The following MACROD2 variants were observed in gnomAD, a reference collection of about 807,000 sequenced individuals.
The protein encoded by MACROD2 is ADP-ribose glycohydrolase MACROD2.
A neutral mutation model predicts 70.4 loss-of-function variants in MACROD2; 36 were observed. That is an observed-to-expected ratio of 0.51 (90% confidence interval 0.39 to 0.68). MACROD2 has a LOEUF of 0.68. Ranked by LOEUF, MACROD2 falls within the 30% of genes least tolerant of loss-of-function variation. MACROD2 has a pLI of 0.00. For missense variants in MACROD2, 496 were observed against 538.4 expected, an observed-to-expected ratio of 0.92 and a Z score of 0.78; for synonymous variants, 172 against 178.8, an observed-to-expected ratio of 0.96 and a Z score of 0.30.
At chr20:15,027,324 C>CTCTG (rs1470187180) in intron 5 of MACROD2, among the ~76,000 whole-genome samples, 2 of 152,164 alleles carry the variant, frequency 1.3e-5, no homozygotes, top group Non-Finnish European at 2.9e-5. Context: ...CTTTAACAGA[C>CTCTG]TCTGATGTCT....
At chr20:15,200,260 T>G (rs1365839823) in intron 5 of MACROD2, among the ~76,000 whole-genome samples, 1 of 152,224 alleles carries the variant, frequency 6.6e-6, no homozygotes, top group African/African-American at 2.4e-5. Flanking sequence ...ATTTAAATAC[T>G]GAAACTTCAC....
chr20:15,879,645 A>C (rs372383748), intron 9 of MACROD2, among the ~76,000 whole-genome samples: 1 of 152,178 alleles, frequency 6.6e-6, no homozygotes, highest in African/African-American at 2.4e-5. Context: ...TTTTCAAAAA[A>C]AGTTTGAATG....
At chr20:14,582,930 G>A (rs1981132098) in intron 4 of MACROD2, among the ~76,000 whole-genome samples, 1 of 152,072 alleles carries the variant, frequency 6.6e-6, no homozygotes. Context: ...TGAAATTGTG[G>A]CAAAAATCCT....
intron 5 of MACROD2, among the ~76,000 whole-genome samples, chr20:14,737,118 A>G (rs906834764): frequency 6.6e-6 from 1 of 152,066 alleles, no homozygotes; most frequent in African/African-American, 2.4e-5. Flanking sequence ...CCCACCACCC[A>G]ACAGGCCCTG....
intron 5 of MACROD2, among the ~76,000 whole-genome samples, chr20:14,863,402 A>C (rs1175561919): frequency 6.6e-6 from 1 of 152,102 alleles, no homozygotes; most frequent in Non-Finnish European, 1.5e-5. Flanking sequence ...AGGGGTGAGG[A>C]GTAAAGGAAC....
intron 5 of MACROD2, among the ~76,000 whole-genome samples, chr20:14,734,159 C>T (rs2071630029): frequency 6.6e-6 from 1 of 151,856 alleles, no homozygotes; most frequent in African/African-American, 2.4e-5. Flanking sequence ...TTTTTTTCAG[C>T]CAAGACCTCA....
chr20:15,380,212 A>T (rs552056868), intron 6 of MACROD2, among the ~76,000 whole-genome samples: 8 of 152,150 alleles, frequency 5.3e-5, no homozygotes, highest in African/African-American at 1.2e-4. Context: ...ACTTATCACA[A>T]TCTGAGTGAT....
chr20:14,051,253 T>G (rs2053563269), intron 2 of MACROD2, among the ~76,000 whole-genome samples: 2 of 152,182 alleles, frequency 1.3e-5, no homozygotes, highest in South Asian at 4.1e-4. Flanking sequence ...AAGGAACATT[T>G]TTATTTAAAA....
intron 5 of MACROD2, among the ~76,000 whole-genome samples, chr20:14,752,933 A>T (rs1243842553): frequency 6.6e-6 from 1 of 152,208 alleles, no homozygotes; most frequent in East Asian, 1.9e-4. Context: ...TTCATAGCAC[A>T]TCTAGAAAGT....
At chr20:14,793,728 G>T (rs1884661) in intron 5 of MACROD2, among the ~76,000 whole-genome samples, 3,473 of 152,100 alleles carry the variant, frequency 0.023, 128 homozygotes, top group East Asian at 0.11. Context: ...CCTCCACCCA[G>T]CTGGGGCTGA....
intron 8 of MACROD2, among the ~76,000 whole-genome samples, chr20:15,581,558 T>C (rs1457897679): frequency 6.6e-6 from 1 of 152,104 alleles, no homozygotes; most frequent in Non-Finnish European, 1.5e-5. Context: ...TGAAAAGAGG[T>C]CTCTAAGGCG....
intron 5 of MACROD2, among the ~76,000 whole-genome samples, chr20:15,116,950 T>C (rs902573665): frequency 1.4e-4 from 21 of 152,256 alleles, no homozygotes; most frequent in African/African-American, 4.6e-4. Flanking sequence ...AGACTGTTAA[T>C]ACTTTTATTG....
chr20:15,362,679 TGTA>T (rs2078366649), intron 6 of MACROD2, among the ~76,000 whole-genome samples: 1 of 152,092 alleles, frequency 6.6e-6, no homozygotes, highest in Admixed American at 6.6e-5. Flanking sequence ...AACCATTTAA[TGTA>T]GTGATCAAAT....
At chr20:16,010,178 G>A (rs775110) in intron 15 of MACROD2, among the ~76,000 whole-genome samples, 59,514 of 151,974 alleles carry the variant, frequency 0.39, 11,844 homozygotes, top group East Asian at 0.53. Context: ...GAGAGGAGAG[G>A]GAGAGCATGT....
intron 5 of MACROD2, among the ~76,000 whole-genome samples, chr20:14,770,148 C>T (rs967507823): frequency 4.0e-5 from 6 of 151,662 alleles, no homozygotes; most frequent in Non-Finnish European, 5.9e-5. Context: ...AGGACACATA[C>T]GAAAATGTGT....
intron 5 of MACROD2, among the ~76,000 whole-genome samples, chr20:15,049,253 G>A (rs1186148111): frequency 6.6e-6 from 1 of 151,594 alleles, no homozygotes; most frequent in Non-Finnish European, 1.5e-5. Context: ...CTAAGGAAAA[G>A]CATTGCAAGG....
chr20:14,993,635 A>T (rs531373602), intron 5 of MACROD2, among the ~76,000 whole-genome samples: 1 of 152,276 alleles, frequency 6.6e-6, no homozygotes, highest in East Asian at 1.9e-4. Flanking sequence ...AAATGTTGTG[A>T]TATTTAACAA....
At chr20:14,230,030 C>T (rs1358634803) in intron 3 of MACROD2, among the ~76,000 whole-genome samples, 1 of 152,072 alleles carries the variant, frequency 6.6e-6, no homozygotes, top group Non-Finnish European at 1.5e-5. Flanking sequence ...CATGTACATA[C>T]CTTAATTTAA....
chr20:15,478,210 G>C (rs546674355), intron 7 of MACROD2, among the ~76,000 whole-genome samples: 2 of 152,286 alleles, frequency 1.3e-5, no homozygotes, highest in African/African-American at 4.8e-5. Flanking sequence ...AAACCATATG[G>C]ACCAGGCTTC....
Sources: allele counts gnomAD v4.1 joint callset (sites outside exome capture counted in the v4.1 genomes callset), GRCh38; gene constraint gnomAD v4.1.1; transcripts MANE v1.5; gene names NCBI Gene and HGNC (gene_info 2026-07-23, HGNC 2026-07-21).